Variants in TMPRSS11F observed in about 807,000 individuals in gnomAD.
TMPRSS11F encodes transmembrane serine protease 11F.
Under a neutral mutation model 60.2 loss-of-function variants are expected in TMPRSS11F, and 47 were observed. The observed-to-expected ratio is 0.78, with a 90% CI of 0.62 to 1.00. TMPRSS11F has a LOEUF of 1.00. Among genes scored for constraint, TMPRSS11F ranks in the 50% least tolerant of loss-of-function variants. TMPRSS11F has a pLI of 0.00. For synonymous variants in TMPRSS11F, 166 were observed against 167.3 expected (o/e 0.99, Z 0.06); for missense variants, 519 against 522.9 (o/e 0.99, Z 0.07).
At chr4:68,096,776 CTT>C (rs1724084297) in intron 2 of TMPRSS11F, among the ~76,000 whole-genome samples, 1 of 152,144 alleles carries the variant, frequency 6.6e-6, no homozygotes, top group African/African-American at 2.4e-5. Flanking sequence ...GGTGATGTGA[CTT>C]TTACCACTAT....
At chr4:68,129,714 T>C (rs1724781738) in intron 1 of TMPRSS11F, 96 bp downstream of exon 1, 1 of 1,108,622 alleles carries the variant, frequency 9.0e-7, no homozygotes, top group Non-Finnish European at 1.3e-6. Context: ...AATGTTTAAA[T>C]CAATCTCCAC....
intron 1 of TMPRSS11F, among the ~76,000 whole-genome samples, chr4:68,115,143 A>T (rs1380170213): frequency 2.6e-5 from 4 of 151,660 alleles, no homozygotes; most frequent in African/African-American, 9.6e-5. Flanking sequence ...AGGTCAGGAG[A>T]TCGAGACCAT....
At chr4:68,109,687 G>A (rs1415955226) in intron 1 of TMPRSS11F, among the ~76,000 whole-genome samples, 1 of 152,136 alleles carries the variant, frequency 6.6e-6, no homozygotes, top group East Asian at 1.9e-4. Context: ...CAAAAGAGAA[G>A]TTATTTGTCA....
At chr4:68,063,443 C>A (rs1190834245) in intron 8 of TMPRSS11F, among the ~76,000 whole-genome samples, 2 of 152,002 alleles carry the variant, frequency 1.3e-5, no homozygotes, top group Non-Finnish European at 2.9e-5. Context: ...ATGGCGCAGT[C>A]TCGGCTCACT....
chr4:68,086,505 A>G (rs2109860302), intron 3 of TMPRSS11F, among the ~76,000 whole-genome samples: 2 of 152,284 alleles, frequency 1.3e-5, no homozygotes, highest in South Asian at 4.1e-4. Context: ...AGCTAGCAAA[A>G]TAAAAGACAA....
rs181393795 is a variant in TMPRSS11F, at chr4:68,090,145, T to C, written c.282+378A>G. Among the ~76,000 whole-genome samples the C allele has an allele frequency of 2.0e-3, 303 of 152,226 alleles. 1 individual carries two copies. The highest frequency in any genetic ancestry group is 7.0e-3 in the African/African-American group (291 of 41,578). ...CTATACCACGTCCTTTTATATAATCTTTTTAAGTGCTGTCAAAATAAACAA... is the reference window on the plus strand; with the variant it reads ...CTATACCACGTCCTTTTATATAATCCTTTTAAGTGCTGTCAAAATAAACAA... On this transcript the variant is annotated intron_variant, in intron 3 of 9. Transcript: ENST00000356291.
intron 1 of TMPRSS11F, among the ~76,000 whole-genome samples, chr4:68,126,533 A>G (rs918917495): frequency 6.6e-6 from 1 of 152,246 alleles, no homozygotes; most frequent in African/African-American, 2.4e-5. Context: ...ATGTGCATAC[A>G]TAGATACATA....
At chr4:68,101,495 T>G (rs1724189022) in intron 1 of TMPRSS11F, among the ~76,000 whole-genome samples, 1 of 152,122 alleles carries the variant, frequency 6.6e-6, no homozygotes, top group Non-Finnish European at 1.5e-5. Flanking sequence ...GCAAGAAACT[T>G]TGAGATTTTG....
At chr4:68,127,791 GA>G (rs899277439) in intron 1 of TMPRSS11F, among the ~76,000 whole-genome samples, 1 of 151,520 alleles carries the variant, frequency 6.6e-6, no homozygotes. Context: ...TTAAGATACA[GA>G]AAAAAATAAA....
chr4:68,129,857 T>A lies in TMPRSS11F; in HGVS notation c.-37A>T. The stretch of plus-strand genomic sequence containing the variant: ...TGGGGCAGCTTCTATTCAGTCACCA[T>A]CTGATCTGTATCAGCAGGTTAGGAC... On this transcript the variant is annotated 5_prime_UTR_variant, in exon 1 of 10. It removes an upstream start codon present in the reference 5' UTR. Transcript: ENST00000356291. The A allele has an allele frequency of 6.2e-7, 1 of 1,610,768 alleles. No individual in the cohort carries two copies. The highest frequency in any genetic ancestry group is 8.5e-7 in the Non-Finnish European group (1 of 1,177,218).
chr4:68,054,337 C>T (rs1045181331), intron 9 of TMPRSS11F, among the ~76,000 whole-genome samples: 1 of 151,770 alleles, frequency 6.6e-6, no homozygotes, highest in South Asian at 2.1e-4. Flanking sequence ...TTTGAACAGG[C>T]CTGTTTAGCA....
chr4:68,087,604 A>G (rs1723839302), intron 3 of TMPRSS11F, among the ~76,000 whole-genome samples: 1 of 12,390 alleles, frequency 8.1e-5, no homozygotes, highest in Non-Finnish European at 6.8e-3. Context: ...TTCTATGTAT[A>G]GAAACAAAGA....
intron 9 of TMPRSS11F, among the ~76,000 whole-genome samples, chr4:68,057,585 G>T (rs1183150677): frequency 2.0e-5 from 3 of 152,078 alleles, no homozygotes; most frequent in African/African-American, 7.2e-5. Context: ...CACAGAATGG[G>T]AAAACATGTT....
chr4:68,081,704 T>A (rs1482833459), intron 3 of TMPRSS11F, among the ~76,000 whole-genome samples: 1 of 152,220 alleles, frequency 6.6e-6, no homozygotes, highest in Non-Finnish European at 1.5e-5. Flanking sequence ...TCATTTTTTT[T>A]AACTTTGGCA....
chr4:68,113,268 TTTGGCTGAA>T (rs1263393139), intron 1 of TMPRSS11F, among the ~76,000 whole-genome samples: 5 of 152,176 alleles, frequency 3.3e-5, no homozygotes, highest in Non-Finnish European at 7.4e-5. Flanking sequence ...TGGCAAAGAA[TTTGGCTGAA>T]TTGTTTTTGT....
chr4:68,083,716 A>T (rs564180254), intron 3 of TMPRSS11F, among the ~76,000 whole-genome samples: 6 of 152,196 alleles, frequency 3.9e-5, no homozygotes, highest in African/African-American at 1.4e-4. Flanking sequence ...ATAAAGGAAC[A>T]TGAGACCTCT....
chr4:68,103,471 C>A (rs1042896076), intron 1 of TMPRSS11F, among the ~76,000 whole-genome samples: 4 of 151,354 alleles, frequency 2.6e-5, no homozygotes, highest in Non-Finnish European at 2.9e-5. Flanking sequence ...AATTAGTTGA[C>A]CATATGTGTT....
intron 5 of TMPRSS11F, 73 bp downstream of exon 5, chr4:68,072,250 T>TA (rs537020566): frequency 7.1e-5 from 16 of 224,080 alleles, no homozygotes; most frequent in South Asian, 2.9e-4. Context: ...TATATATATA[T>TA]TGCTTACAAA....
chr4:68,100,474 A>G (rs1724169603), intron 1 of TMPRSS11F, among the ~76,000 whole-genome samples: 1 of 152,114 alleles, frequency 6.6e-6, no homozygotes. Context: ...AACTGAGGCT[A>G]TGGAATGGGG....
Sources: allele counts gnomAD v4.1 joint callset (sites outside exome capture counted in the v4.1 genomes callset), GRCh38; gene constraint gnomAD v4.1.1; transcripts MANE v1.5; gene names NCBI Gene and HGNC (gene_info 2026-07-23, HGNC 2026-07-21).